TMEM237: variants seen among roughly 807,000 people sequenced by gnomAD.
TMEM237 encodes transmembrane protein 237.
In TMEM237, 51 loss-of-function variants were observed where a neutral mutation model predicts 59.1. The observed-to-expected ratio is 0.86, with a 90% confidence interval of 0.69 to 1.09. The LOEUF is 1.09. Among genes scored for constraint, TMEM237 ranks in the 50% least tolerant of loss-of-function variants. The pLI, the probability that TMEM237 is intolerant of heterozygous loss-of-function variation, is 0.00. For synonymous variants in TMEM237, 140 were observed against 166.1 expected, an observed-to-expected ratio of 0.84 and a Z score of 1.21; for missense variants, 475 against 478.3, an observed-to-expected ratio of 0.99 and a Z score of 0.06.
intron 5 of TMEM237, chr2:201,636,068 C>G (rs563507832): frequency 6.6e-6 from 1 of 152,242 alleles, no homozygotes; most frequent in South Asian, 2.1e-4. Flanking sequence ...TAATGGGTAC[C>G]TGGTTCCTAT....
At chr2:201,626,482 T>C (rs1457430760) in intron 11 of TMEM237, among the ~76,000 whole-genome samples, 3 of 142,388 alleles carry the variant, frequency 2.1e-5, no homozygotes, top group Middle Eastern at 3.8e-3. Flanking sequence ...CTAATGTCCC[T>C]AGCCACTCTC....
intron 4 of TMEM237, among the ~76,000 whole-genome samples, chr2:201,637,263 A>G (rs1687315252): frequency 6.6e-6 from 1 of 152,246 alleles, no homozygotes; most frequent in Non-Finnish European, 1.5e-5. Flanking sequence ...CAGCCTCTAT[A>G]TAGTAAAGTC....
In TMEM237 at chr2:201,622,420, G is replaced by A. The variant is rs1414626161; in HGVS notation, c.*1835C>T. 1.3e-5 allele frequency: 2 copies of A among 152,200 alleles called. No homozygotes were observed. Among genetic ancestry groups the A allele is most frequent in the Non-Finnish European group, 2.9e-5 (2 of 68,050 alleles). The allele number at this position is 152,200 out of a possible 1,614,324, so 9.4% of individuals were successfully genotyped here. A position where few individuals can be genotyped will look rare whatever the true frequency, so the allele number is the denominator to read the frequency against. On this transcript the variant is annotated 3_prime_UTR_variant, in exon 13 of 13. Coordinates refer to ENST00000409883, the MANE Select transcript of TMEM237 (RefSeq NM_001044385.3). ...CCTTCCTTTCTTGGCTCTAGGGGAG[G>A]ATTTGTTTCCTTGCTCATTTGGGAT...
At chr2:201,640,782 G>C in intron 2 of TMEM237, 111 bp downstream of exon 2, 1 of 917,882 alleles carries the variant, frequency 1.1e-6, no homozygotes, top group South Asian at 2.1e-5. Context: ...AAATTTTTCA[G>C]AAGAGTTTCC....
chr2:201,637,407 T>A (rs1322242173), intron 4 of TMEM237, among the ~76,000 whole-genome samples: 1 of 152,216 alleles, frequency 6.6e-6, no homozygotes, highest in Non-Finnish European at 1.5e-5. Context: ...TTTTAACACA[T>A]ACCTGACTGC....
In TMEM237 at chr2:201,643,497, G is replaced by A. The variant is rs1687479648; in HGVS notation, c.-97C>T. On this transcript the variant is annotated 5_prime_UTR_variant, in exon 1 of 13. Transcript: ENST00000409883. This position sits in a 1 kb window ranked among gnomAD's most constrained non-coding sequence, Gnocchi z 4.3. ...CCTCCGGGACCTGTGGGACGCCGGG[G>A]CTTCGTGGCGCCTGGCGAGGCAGCC... is the stretch of plus-strand genomic sequence containing the variant. 5 of 1,093,374 alleles carry A rather than the reference G, an allele frequency of 4.6e-6. No homozygotes were observed. Among genetic ancestry groups the A allele is most frequent in the Non-Finnish European group, 6.0e-6 (5 of 834,918 alleles). 67.7% of individuals were successfully genotyped at this position (1,093,374 alleles called of 1,614,324 possible).
intron 1 of TMEM237, chr2:201,642,497 CG>C: frequency 7.9e-7 from 1 of 1,268,980 alleles, no homozygotes; most frequent in Non-Finnish European, 1.1e-6. Context: ...TCAAAAGTCC[CG>C]CAAAAATGAC....
At chr2:201,639,069 A>G (rs1687360778) in intron 3 of TMEM237, 24 bp from the exon 4 acceptor site, 2 of 1,560,530 alleles carry the variant, frequency 1.3e-6, no homozygotes, top group African/African-American at 1.4e-5. Flanking sequence ...AAAAACGTCA[A>G]CAGAAAAGGG....
chr2:201,626,186 T>G, intron 11 of TMEM237, 39 bp from the exon 12 acceptor site: 1 of 1,596,216 alleles, frequency 6.3e-7, no homozygotes, highest in Non-Finnish European at 8.5e-7. Context: ...TGCCTTCAGT[T>G]TGGTTCATAT....
At chr2:201,629,172 A>T in intron 9 of TMEM237, 58 bp downstream of exon 9, 6 of 1,318,304 alleles carry the variant, frequency 4.6e-6, no homozygotes, top group Non-Finnish European at 6.0e-6. Flanking sequence ...TCAGTGACAC[A>T]TTTTGCTCAG....
rs1158394736 is a variant in TMEM237, at chr2:201,623,148, GTC to G, written c.*1105_*1106del. ...TTTAGACCTATTGTCAGGGTCAACT[GTC>G]TCTATCATCAATTTGTCAATCCTCT... On this transcript the variant is annotated 3_prime_UTR_variant, in exon 13 of 13. Transcript: ENST00000409883. 3 of 261,926 alleles carry G rather than the reference GTC, an allele frequency of 1.1e-5. 1 individual carries two copies. The highest frequency in any genetic ancestry group is 2.5e-5 in the Non-Finnish European group (3 of 121,880). 16.2% of individuals were successfully genotyped at this position (261,926 alleles called of 1,614,324 possible).
chr2:201,633,531 T>C (rs766388407), intron 5 of TMEM237, 100 bp from the exon 6 acceptor site: 2 of 967,442 alleles, frequency 2.1e-6, no homozygotes, highest in Non-Finnish European at 2.8e-6. Flanking sequence ...AGAATTTTAA[T>C]TGGGCAAAAA....
At chr2:201,642,645 CGGCGGCCGCCGGCCCCCAAGCACCT>C (rs1354835117) in intron 1 of TMEM237, 1 of 1,607,910 alleles carries the variant, frequency 6.2e-7, no homozygotes, top group East Asian at 2.3e-5. Flanking sequence ...TAGCCGGCCT[CGGCGGCCGCCGGCCCCCAAGCACCT>C]GGCGCCCCAC....
Position 201,624,243 on chromosome 2 carries a change from G to A in TMEM237, c.*12C>T. On this transcript the variant is annotated 3_prime_UTR_variant, in exon 13 of 13. Transcript: ENST00000409883. Reference sequence around the variant, plus strand: ...AATACTGGGTCATTATTCCTCCAAAGGTGAGCTGGTATTATGAAGAGGCTT... The same window carrying A: ...AATACTGGGTCATTATTCCTCCAAAAGTGAGCTGGTATTATGAAGAGGCTT... The A allele has an allele frequency of 1.2e-6, 2 of 1,607,090 alleles. No homozygotes were observed. The highest frequency in any genetic ancestry group is 8.5e-7 in the Non-Finnish European group (1 of 1,175,028).
chr2:201,642,630 G>A (rs2241133), intron 1 of TMEM237: 1 of 1,608,318 alleles, frequency 6.2e-7, no homozygotes, highest in African/African-American at 1.3e-5. Flanking sequence ...TCCCCATTCT[G>A]CGTTTAGCCG....
At chr2:201,627,933 T>C (rs527745342) in intron 10 of TMEM237, 143 bp downstream of exon 10, 10 of 523,996 alleles carry the variant, frequency 1.9e-5, no homozygotes, top group African/African-American at 1.9e-4. Flanking sequence ...TTTATGTTTC[T>C]AATTACAAAT....
intron 11 of TMEM237, 64 bp downstream of exon 11, chr2:201,627,257 G>T: frequency 8.6e-7 from 1 of 1,156,466 alleles, no homozygotes; most frequent in South Asian, 1.4e-5. Context: ...GAAAAAGAAT[G>T]GAAGGATAAG....
chr2:201,632,000 C>T lies in TMEM237; in HGVS notation c.553+51G>A. The T allele has an allele frequency of 6.9e-6, 11 of 1,590,894 alleles. No homozygotes were observed. The South Asian group carries it at 1.1e-4, about 16-fold the overall frequency. On this transcript the variant is annotated intron_variant, in intron 7 of 12. Transcript: ENST00000409883. Reference sequence around the variant, plus strand: ...AGATTTCCAGAAGTATAAAGGATATCCTTGGACAATTTTTAAAGAGTTCAT... The same window carrying T: ...AGATTTCCAGAAGTATAAAGGATATTCTTGGACAATTTTTAAAGAGTTCAT...
rs1185871614 is a variant in TMEM237, at chr2:201,631,741, A to G, written c.553+310T>C. ...TCAAACTGTGTGTGTGTGTGTGCAC[A>G]TGTGTATATGCTCATTTTTTATCAG... On this transcript the variant is annotated intron_variant, in intron 7 of 12. Transcript: ENST00000409883. 3.9e-5 allele frequency among the ~76,000 whole-genome samples: 6 copies of G among 152,212 alleles called. No individual in the cohort carries two copies. In the East Asian group the frequency reaches 1.2e-3, roughly 29 times the overall value.
Sources: allele counts gnomAD v4.1 joint callset (sites outside exome capture counted in the v4.1 genomes callset), GRCh38; gene constraint gnomAD v4.1.1; non-coding constraint Gnocchi (gnomAD v3.1); transcripts MANE v1.5; gene names NCBI Gene and HGNC (gene_info 2026-07-23, HGNC 2026-07-21).